The following PXDNL variants were observed in gnomAD, a reference collection of about 807,000 sequenced individuals.
PXDNL encodes probable oxidoreductase PXDNL.
PXDNL carries 145 observed loss-of-function variants against 150.8 expected under a neutral mutation model. The ratio of observed to expected loss-of-function variants is 0.96; its 90% confidence interval spans 0.84 to 1.10. PXDNL has a LOEUF of 1.10. Ranked by LOEUF, PXDNL falls within the 50% of genes least tolerant of loss-of-function variation. The probability of loss-of-function intolerance (pLI) is 0.00; values close to 1 mark genes in which losing one functional copy is unlikely to be tolerated. For missense variants in PXDNL, 2,087 were observed against 1,873.9 expected (o/e 1.11, Z -2.10); for synonymous variants, 757 against 725.7 (o/e 1.04, Z -0.69).
intron 2 of PXDNL, among the ~76,000 whole-genome samples, chr8:51,652,056 T>C (rs763723119): frequency 2.6e-5 from 4 of 152,158 alleles, no homozygotes; most frequent in Non-Finnish European, 4.4e-5. Flanking sequence ...ATAGAAGCAA[T>C]GTGGTTGGCA....
At chr8:51,419,256 C>G (rs920968913) in intron 14 of PXDNL, among the ~76,000 whole-genome samples, 2 of 152,098 alleles carry the variant, frequency 1.3e-5, no homozygotes, top group African/African-American at 4.8e-5. Flanking sequence ...GTTACATGGT[C>G]CAAGTTTTTC....
intron 1 of PXDNL, among the ~76,000 whole-genome samples, chr8:51,790,106 G>A (rs908989282): frequency 6.6e-6 from 1 of 151,468 alleles, no homozygotes; most frequent in Non-Finnish European, 1.5e-5. Flanking sequence ...TTTAAAAGGG[G>A]AAAAAAGCAC....
chr8:51,475,291 A>G, intron 6 of PXDNL, 150 bp from the exon 7 acceptor site: 1 of 731,492 alleles, frequency 1.4e-6, no homozygotes, highest in Non-Finnish European at 2.2e-6. Flanking sequence ...ACAGATTTTA[A>G]GAATCACTTA....
intron 11 of PXDNL, among the ~76,000 whole-genome samples, chr8:51,448,150 C>T (rs912618545): frequency 6.6e-6 from 1 of 152,124 alleles, no homozygotes; most frequent in Non-Finnish European, 1.5e-5. Flanking sequence ...AGTAGGATTC[C>T]CAAGCCCGGA....
chr8:51,701,802 G>T lies in PXDNL; in HGVS notation c.165-47042C>A, dbSNP rs558406979. Reference sequence around the variant, plus strand: ...TATCTTGATTTAAAAGCAAGGACAAGATTTTTCAGACATTTTCGAAATGCA... The same window carrying T: ...TATCTTGATTTAAAAGCAAGGACAATATTTTTCAGACATTTTCGAAATGCA... On this transcript the variant is annotated intron_variant, in intron 1 of 22. Transcript: ENST00000356297. Among the ~76,000 whole-genome samples, 39 of 64,248 alleles carry T rather than the reference G, an allele frequency of 6.1e-4. 1 individual carries two copies. The highest frequency in any genetic ancestry group is 7.5e-4 in the Non-Finnish European group (27 of 35,808). 42.1% of individuals were successfully genotyped at this position (64,248 alleles called of 152,430 possible).
chr8:51,550,111 A>G (rs868753054), intron 4 of PXDNL, among the ~76,000 whole-genome samples: 1 of 152,168 alleles, frequency 6.6e-6, no homozygotes, highest in Non-Finnish European at 1.5e-5. Flanking sequence ...GGAAATATAC[A>G]AACCTCCTAG....
chr8:51,429,406 C>T (rs1017422914), intron 12 of PXDNL, among the ~76,000 whole-genome samples: 1 of 152,064 alleles, frequency 6.6e-6, no homozygotes, highest in African/African-American at 2.4e-5. Context: ...ATGGTGAAAC[C>T]CTGTCTCTAC....
chr8:51,552,045 T>C (rs181633309), intron 4 of PXDNL, among the ~76,000 whole-genome samples: 72 of 152,174 alleles, frequency 4.7e-4, no homozygotes, highest in Non-Finnish European at 8.5e-4. Context: ...GAAAAGAAGG[T>C]ATACAAATGG....
chr8:51,607,125 CT>C (rs1179729958), intron 2 of PXDNL, among the ~76,000 whole-genome samples: 1 of 152,112 alleles, frequency 6.6e-6, no homozygotes, highest in Non-Finnish European at 1.5e-5. Flanking sequence ...TAACTGAACA[CT>C]TTAGAAACCA....
chr8:51,470,707 C>G (rs1230119713), intron 8 of PXDNL, among the ~76,000 whole-genome samples: 3 of 152,050 alleles, frequency 2.0e-5, no homozygotes, highest in Non-Finnish European at 4.4e-5. Flanking sequence ...TGATCTTTGA[C>G]AAACCTGACA....
Position 51,319,624 on chromosome 8 carries a change from T to C in PXDNL, c.*267A>G, listed in dbSNP as rs1563355333. On this transcript the variant is annotated 3_prime_UTR_variant, in exon 23 of 23. Coordinates refer to ENST00000356297, the MANE Select transcript of PXDNL (RefSeq NM_144651.5). ...ATTCTTTTTATTTCCAGGTGTGGCA[T>C]ATAAAACTGACAGCTTACAGTAAGA... 1 of 224,950 alleles carries C rather than the reference T, an allele frequency of 4.4e-6. No individual in the cohort carries two copies. Among genetic ancestry groups the C allele is most frequent in the East Asian group, 8.8e-5 (1 of 11,374 alleles). 13.9% of individuals were successfully genotyped at this position (224,950 alleles called of 1,614,324 possible). A position where few individuals can be genotyped will look rare whatever the true frequency, so the allele number is the denominator to read the frequency against.
intron 1 of PXDNL, among the ~76,000 whole-genome samples, chr8:51,675,936 A>T (rs1185617110): frequency 1.3e-5 from 2 of 152,184 alleles, no homozygotes; most frequent in Non-Finnish European, 2.9e-5. Flanking sequence ...AGTCACGTAT[A>T]TAGATTCATA....
chr8:51,691,086 C>T (rs9774520), intron 1 of PXDNL, among the ~76,000 whole-genome samples: 127,932 of 152,128 alleles, frequency 0.84, 54,084 homozygotes, highest in African/African-American at 0.93. Context: ...GTCAGATGAG[C>T]AGGTTGCAAA....
At chr8:51,714,779 A>G (rs1004292192) in intron 1 of PXDNL, among the ~76,000 whole-genome samples, 2 of 152,246 alleles carry the variant, frequency 1.3e-5, no homozygotes, top group African/African-American at 4.8e-5. Context: ...ATACCTTTCC[A>G]TTCAGACACC....
intron 1 of PXDNL, among the ~76,000 whole-genome samples, chr8:51,674,301 C>T (rs1376069035): frequency 6.6e-6 from 1 of 152,136 alleles, no homozygotes. Context: ...GAGATGGATT[C>T]GATGACTCCA....
At chr8:51,730,498 A>G (rs531563906) in intron 1 of PXDNL, among the ~76,000 whole-genome samples, 1 of 152,342 alleles carries the variant, frequency 6.6e-6, no homozygotes, top group South Asian at 2.1e-4. Flanking sequence ...CCAATTGTCT[A>G]CTATGTACCA....
At position 51,682,222 on chromosome 8, in the gene PXDNL, T is replaced by C. The variant is rs531782178; in HGVS notation, c.165-27462A>G. On this transcript the variant is annotated intron_variant, in intron 1 of 22. Transcript: ENST00000356297. ...TCTTACATGCTCAGAAAGAGTTTTA[T>C]AGAAAAAAATTCCAGCCAGGGAATT... is the stretch of plus-strand genomic sequence containing the variant. Among the ~76,000 whole-genome samples the C allele has an allele frequency of 2.0e-5, 3 of 152,338 alleles. No individual in the cohort carries two copies. In the East Asian group the frequency reaches 5.8e-4, roughly 29 times the overall value.
intron 1 of PXDNL, among the ~76,000 whole-genome samples, chr8:51,724,492 A>T (rs1439447559): frequency 5.9e-5 from 9 of 152,104 alleles, no homozygotes; most frequent in Admixed American, 5.9e-4. Flanking sequence ...ACATCGCAGA[A>T]AAAAAAAGGA....
intron 6 of PXDNL, among the ~76,000 whole-genome samples, chr8:51,482,204 G>A (rs1810620516): frequency 1.3e-5 from 2 of 152,202 alleles, no homozygotes; most frequent in Non-Finnish European, 2.9e-5. Context: ...ACCTGGTCGT[G>A]AGACATGGAG....
Sources: gnomAD v4.1 joint callset for allele counts (sites outside exome capture counted in the v4.1 genomes callset) on GRCh38, gnomAD v4.1.1 for gene constraint, MANE v1.5 for transcripts, NCBI Gene and HGNC (gene_info 2026-07-23, HGNC 2026-07-21) for gene names.